The following RAD9B variants were observed in gnomAD, a reference collection of about 807,000 sequenced individuals.
RAD9B encodes RAD9 checkpoint clamp component B.
A neutral mutation model predicts 48.3 loss-of-function variants in RAD9B; 41 were observed. That is an observed-to-expected ratio of 0.85 (90% CI 0.66 to 1.10). RAD9B has a LOEUF of 1.10. Among genes scored for constraint, RAD9B ranks in the 50% least tolerant of loss-of-function variants. The probability of loss-of-function intolerance (pLI) is 0.00; values close to 1 mark genes in which losing one functional copy is unlikely to be tolerated. For synonymous variants in RAD9B, 160 were observed against 157.9 expected (o/e 1.01, Z -0.10); for missense variants, 444 against 485.1 (o/e 0.92, Z 0.80).
Position 110,518,983 on chromosome 12 carries a change from A to G in RAD9B, c.767+45A>G, listed in dbSNP as rs1237610314. The G allele has an allele frequency of 3.1e-6, 4 of 1,280,114 alleles. No homozygotes were observed. The Admixed American group carries it at 7.7e-5, about 25-fold the overall frequency. The allele number at this position is 1,280,114 out of a possible 1,614,324, so 79.3% of individuals were successfully genotyped here. ...TCTGAGCTTGTTTCTTTTGTTTTATATCAATAACAAAACCTTTTGGATCAC... is the reference window on the plus strand; with the variant it reads ...TCTGAGCTTGTTTCTTTTGTTTTATGTCAATAACAAAACCTTTTGGATCAC... On this transcript the variant is annotated intron_variant, in intron 8 of 10. Transcript: ENST00000409300.
At position 110,519,927 on chromosome 12, in the gene RAD9B, G is replaced by A. The variant is rs2063724197; in HGVS notation, c.890+11G>A. 1 of 1,607,542 alleles carries A rather than the reference G, an allele frequency of 6.2e-7. No individual in the cohort carries two copies. The highest frequency in any genetic ancestry group is 8.5e-7 in the Non-Finnish European group (1 of 1,177,770). On this transcript the variant is annotated intron_variant, in intron 9 of 10. Coordinates refer to ENST00000409300, the MANE Select transcript of RAD9B (RefSeq NM_001286535.2). Reference sequence around the variant, plus strand: ...ACAGAAACGAAAAAGGTAAGACTGTGTTTTAACTTCTTTATTACTTGGGAC... The same window carrying A: ...ACAGAAACGAAAAAGGTAAGACTGTATTTTAACTTCTTTATTACTTGGGAC...
chr12:110,531,726 C>A lies in RAD9B; in HGVS notation c.*1073C>A, dbSNP rs970241152. 2 of 1,180,938 alleles carry A rather than the reference C, an allele frequency of 1.7e-6. No homozygotes were observed. The highest frequency in any genetic ancestry group is 2.7e-5 in the South Asian group (2 of 73,612). The allele number at this position is 1,180,938 out of a possible 1,614,324, so 73.2% of individuals were successfully genotyped here. The stretch of plus-strand genomic sequence containing the variant: ...TGTTCTTTGGCCCTTTAAGAGTTAG[C>A]TTTTTACCTGCACAAATGGACTAAA... On this transcript the variant is annotated 3_prime_UTR_variant, in exon 11 of 11. Coordinates refer to ENST00000409300, the MANE Select transcript of RAD9B (RefSeq NM_001286535.2).
At chr12:110,520,308 A>G (rs2135711549) in intron 9 of RAD9B, among the ~76,000 whole-genome samples, 1 of 152,216 alleles carries the variant, frequency 6.6e-6, no homozygotes, top group East Asian at 1.9e-4. Context: ...CCCTGGCTCA[A>G]GTGGTCCTCC....
At chr12:110,506,727 G>T in intron 4 of RAD9B, 34 bp downstream of exon 4, 2 of 1,002,524 alleles carry the variant, frequency 2.0e-6, no homozygotes, top group East Asian at 2.5e-5. Flanking sequence ...AAAATACTAT[G>T]TTTTTTTCTC....
Position 110,502,332 on chromosome 12 carries a change from G to A in RAD9B, c.-6G>A, listed in dbSNP as rs1365780799. 5.0e-6 allele frequency: 8 copies of A among 1,613,044 alleles called. No homozygotes were observed. Among genetic ancestry groups the A allele is most frequent in the Non-Finnish European group, 6.8e-6 (8 of 1,179,632 alleles). On this transcript the variant is annotated 5_prime_UTR_variant, in exon 1 of 11. Coordinates refer to ENST00000409300, the MANE Select transcript of RAD9B (RefSeq NM_001286535.2). ...GCGCGCCTTCCGAGCCTGCTTTTTA[G>A]GGCGGATGGCAGCCATGCTGAAGTG...
chr12:110,533,444 G>C lies in RAD9B; in HGVS notation c.*2791G>C, dbSNP rs115856058. 1 of 152,092 alleles carries C rather than the reference G, an allele frequency of 6.6e-6. No homozygotes were observed. Among genetic ancestry groups the C allele is most frequent in the African/African-American group, 2.4e-5 (1 of 41,418 alleles). 9.4% of individuals were successfully genotyped at this position (152,092 alleles called of 1,614,324 possible). ...AGATTCTAATTTGCTTCATTATTTA[G>C]CCATCTTTGCCACAAACTACCTGCT... On this transcript the variant is annotated 3_prime_UTR_variant, in exon 11 of 11. Transcript: ENST00000409300.
At position 110,533,457 on chromosome 12, in the gene RAD9B, C is replaced by A. The variant is rs1399246936; in HGVS notation, c.*2804C>A. The A allele has an allele frequency of 6.6e-6, 1 of 152,182 alleles. No individual in the cohort carries two copies. The highest frequency in any genetic ancestry group is 2.4e-5 in the African/African-American group (1 of 41,450). The allele number at this position is 152,182 out of a possible 1,614,324, so 9.4% of individuals were successfully genotyped here. A position where few individuals can be genotyped will look rare whatever the true frequency, so the allele number is the denominator to read the frequency against. ...CTTCATTATTTAGCCATCTTTGCCA[C>A]AAACTACCTGCTAACAGTTAAAATT... On this transcript the variant is annotated 3_prime_UTR_variant, in exon 11 of 11. Coordinates refer to ENST00000409300, the MANE Select transcript of RAD9B (RefSeq NM_001286535.2).
At chr12:110,512,004 G>A (rs1008874094) in intron 4 of RAD9B, among the ~76,000 whole-genome samples, 6 of 151,830 alleles carry the variant, frequency 4.0e-5, no homozygotes, top group South Asian at 4.2e-4. Context: ...ATGCCACCAC[G>A]CCCGGCTAGT....
Position 110,506,635 on chromosome 12 carries a change from C to A in RAD9B, c.330C>A (p.Cys110Ter). Residue 110 changes from cysteine to a stop codon, truncating the protein, a stop_gained, in exon 4 of 11, where the codon TGC becomes TGA. Coordinates refer to ENST00000409300, the MANE Select transcript of RAD9B (RefSeq NM_001286535.2). LOFTEE classifies it high-confidence loss of function. Reference protein sequence around the residue: ...LNSLERNIEKCRIFTRSDKCK... With the variant: ...LNSLERNIEK Reference sequence around the variant, plus strand: ...CCCTTGAAAGAAATATAGAGAAGTGCAGAATATTCACCAGATCTGATAAAT... The same window carrying A: ...CCCTTGAAAGAAATATAGAGAAGTGAAGAATATTCACCAGATCTGATAAAT... 6.2e-7 allele frequency: 1 copy of A among 1,605,304 alleles called. No individual in the cohort carries two copies. Among genetic ancestry groups the A allele is most frequent in the South Asian group, 1.1e-5 (1 of 90,802 alleles).
intron 9 of RAD9B, among the ~76,000 whole-genome samples, chr12:110,521,645 C>G (rs1422920239): frequency 6.6e-6 from 1 of 151,152 alleles, no homozygotes; most frequent in Non-Finnish European, 1.5e-5. Flanking sequence ...CAACCTCCGC[C>G]TCCTGGGTTC....
At chr12:110,520,631 T>TC (rs1284002459) in intron 9 of RAD9B, among the ~76,000 whole-genome samples, 41 of 144,638 alleles carry the variant, frequency 2.8e-4, no homozygotes, top group East Asian at 1.2e-3. Flanking sequence ...TTGCTTTCTT[T>TC]TTTTTTTTTT....
Position 110,530,960 on chromosome 12 carries a change from A to G in RAD9B, c.*307A>G, listed in dbSNP as rs2064120674. 9.4e-7 allele frequency: 1 copy of G among 1,059,942 alleles called. No homozygotes were observed. The highest frequency in any genetic ancestry group is 1.1e-6 in the Non-Finnish European group (1 of 877,618). The allele number at this position is 1,059,942 out of a possible 1,614,324, so 65.7% of individuals were successfully genotyped here. A position where few individuals can be genotyped will look rare whatever the true frequency, so the allele number is the denominator to read the frequency against. The stretch of plus-strand genomic sequence containing the variant: ...CCCTAGAGCTTTTAACATCTTTGCT[A>G]GTTTTATAAAGGTATTTAAACTTTA... On this transcript the variant is annotated 3_prime_UTR_variant, in exon 11 of 11. Transcript: ENST00000409300.
Position 110,531,632 on chromosome 12 carries a change from T to G in RAD9B, c.*979T>G, listed in dbSNP as rs1323331133. ...CCAAATATTTCTGTATTATCTGACATAGAACAGTATCCTCCACTGCCAAGA... is the reference window on the plus strand; with the variant it reads ...CCAAATATTTCTGTATTATCTGACAGAGAACAGTATCCTCCACTGCCAAGA... On this transcript the variant is annotated 3_prime_UTR_variant, in exon 11 of 11. Transcript: ENST00000409300. 6.2e-7 allele frequency: 1 copy of G among 1,610,722 alleles called. No individual in the cohort carries two copies. The highest frequency in any genetic ancestry group is 1.3e-5 in the African/African-American group (1 of 75,018).
In RAD9B at chr12:110,522,185, T is replaced by G; in HGVS notation, c.899T>G (p.Leu300Arg). ...GCCTATTAATACCTCAGGTCAGATC[T>G]GATTGAAAAAAAGGCTGGCAAAAAT... ...CLSQKRKRSD[L>R]IEKKAGKNVT... The change falls in exon 10 of 11, where the codon CTG (leucine) becomes CGG (arginine). Residue 300 changes from leucine to arginine, a missense_variant. Transcript: ENST00000409300. The G allele has an allele frequency of 6.3e-7, 1 of 1,579,650 alleles. No homozygotes were observed.
At position 110,531,916 on chromosome 12, in the gene RAD9B, CA is replaced by C; in HGVS notation, c.*1264del. On this transcript the variant is annotated 3_prime_UTR_variant, in exon 11 of 11. Coordinates refer to ENST00000409300, the MANE Select transcript of RAD9B (RefSeq NM_001286535.2). ...CCGTAAGGAAGTGTTAACTGGCAAGCAGTTGTACTTTAGACTTTGTGAGAAA... is the reference window on the plus strand; with the variant it reads ...CCGTAAGGAAGTGTTAACTGGCAAGCGTTGTACTTTAGACTTTGTGAGAAA... 5.3e-6 allele frequency: 2 copies of C among 374,012 alleles called. No individual in the cohort carries two copies. Among genetic ancestry groups the C allele is most frequent in the Non-Finnish European group, 9.6e-6 (2 of 208,352 alleles). The allele number at this position is 374,012 out of a possible 1,614,324, so 23.2% of individuals were successfully genotyped here. A position where few individuals can be genotyped will look rare whatever the true frequency, so the allele number is the denominator to read the frequency against.
Position 110,532,634 on chromosome 12 carries a change from A to G in RAD9B, c.*1981A>G, listed in dbSNP as rs961851819. Among the ~76,000 whole-genome samples, 1 of 152,238 alleles carries G rather than the reference A, an allele frequency of 6.6e-6. No homozygotes were observed. Among genetic ancestry groups the G allele is most frequent in the African/African-American group, 2.4e-5 (1 of 41,460 alleles). ...GTGCTGCATAACAACGTTTTGGTCAACGATGGACTGCACAGACAGTGGTGG... is the reference window on the plus strand; with the variant it reads ...GTGCTGCATAACAACGTTTTGGTCAGCGATGGACTGCACAGACAGTGGTGG... On this transcript the variant is annotated 3_prime_UTR_variant, in exon 11 of 11. Coordinates refer to ENST00000409300, the MANE Select transcript of RAD9B (RefSeq NM_001286535.2).
At position 110,502,392 on chromosome 12, in the gene RAD9B, G is replaced by A. The variant is rs1341646017; in HGVS notation, c.46+9G>A. On this transcript the variant is annotated intron_variant, in intron 1 of 10. Coordinates refer to ENST00000409300, the MANE Select transcript of RAD9B (RefSeq NM_001286535.2). ...CGGCAGTCAGGTGAAAGGTGGAGCG[G>A]CCTTTGTTGTCTTCCCATTTAGCAG... The A allele has an allele frequency of 6.2e-7, 1 of 1,613,286 alleles. No individual in the cohort carries two copies. Among genetic ancestry groups the A allele is most frequent in the Non-Finnish European group, 8.5e-7 (1 of 1,179,678 alleles).
At chr12:110,517,292 G>C (rs1162128890) in intron 6 of RAD9B, among the ~76,000 whole-genome samples, 1 of 152,090 alleles carries the variant, frequency 6.6e-6, no homozygotes, top group Admixed American at 6.6e-5. Flanking sequence ...TCATGCCACT[G>C]TATTACAGCC....
intron 6 of RAD9B, among the ~76,000 whole-genome samples, chr12:110,518,312 G>C (rs2063672320): frequency 6.6e-6 from 1 of 152,144 alleles, no homozygotes; most frequent in Non-Finnish European, 1.5e-5. Context: ...GCAGTGAGCT[G>C]TGATCATGCC....
Sources: gnomAD v4.1 joint callset for allele counts (sites outside exome capture counted in the v4.1 genomes callset) on GRCh38, gnomAD v4.1.1 for gene constraint, MANE v1.5 for transcripts, NCBI Gene and HGNC (gene_info 2026-07-23, HGNC 2026-07-21) for gene names.